LDLRAD3: variants seen among roughly 807,000 people sequenced by gnomAD.
LDLRAD3 encodes the protein low density lipoprotein receptor class A domain containing 3.
In LDLRAD3, 20 loss-of-function variants were observed where a neutral mutation model predicts 29.4. That is an observed-to-expected ratio of 0.68 (90% confidence interval 0.48 to 0.99). The LOEUF (loss-of-function observed/expected upper bound fraction) is 0.99. Among genes scored for constraint, LDLRAD3 ranks in the 50% least tolerant of loss-of-function variants. LDLRAD3 has a pLI of 0.00. For synonymous variants in LDLRAD3, 157 were observed against 192.7 expected (o/e 0.81, Z 1.53); for missense variants, 420 against 454.3 (o/e 0.92, Z 0.69).
At chr11:36,047,829 A>C (rs547697023) in intron 2 of LDLRAD3, among the ~76,000 whole-genome samples, 1 of 152,200 alleles carries the variant, frequency 6.6e-6, no homozygotes, top group Non-Finnish European at 1.5e-5. Context: ...TTCAAACAGC[A>C]GCTGGCACAG....
intron 1 of LDLRAD3, among the ~76,000 whole-genome samples, chr11:36,005,423 T>G (rs1040697878): frequency 2.6e-5 from 4 of 152,220 alleles, no homozygotes; most frequent in Non-Finnish European, 4.4e-5. Flanking sequence ...TGACCTTTAC[T>G]CCCGTTCCCG....
intron 1 of LDLRAD3, among the ~76,000 whole-genome samples, chr11:36,033,190 T>C (rs1590216999): frequency 6.6e-6 from 1 of 152,136 alleles, no homozygotes; most frequent in East Asian, 1.9e-4. Flanking sequence ...TGCTTTGAGT[T>C]TGATGATGTC....
chr11:35,950,692 G>A (rs574153188), intron 1 of LDLRAD3, among the ~76,000 whole-genome samples: 68 of 152,132 alleles, frequency 4.5e-4, no homozygotes, highest in Non-Finnish European at 7.6e-4. Context: ...AGTGAGAGTG[G>A]CTCCCATTCA....
At chr11:36,133,829 G>A (rs748413952) in intron 4 of LDLRAD3, among the ~76,000 whole-genome samples, 2 of 151,988 alleles carry the variant, frequency 1.3e-5, no homozygotes, top group East Asian at 1.9e-4. Flanking sequence ...GAGCCACCGC[G>A]CCCGGCCCAT....
At chr11:35,978,982 T>G (rs1851507861) in intron 1 of LDLRAD3, among the ~76,000 whole-genome samples, 1 of 152,238 alleles carries the variant, frequency 6.6e-6, no homozygotes, top group African/African-American at 2.4e-5. Context: ...TTGCAAAGGA[T>G]TCTTTAATAA....
At chr11:36,086,485 C>T (rs965785010) in intron 3 of LDLRAD3, among the ~76,000 whole-genome samples, 1 of 152,194 alleles carries the variant, frequency 6.6e-6, no homozygotes, top group African/African-American at 2.4e-5. Flanking sequence ...CGTTTTCACG[C>T]TGTTTTTGCA....
chr11:36,157,449 A>T (rs990857405), intron 4 of LDLRAD3, among the ~76,000 whole-genome samples: 18 of 152,162 alleles, frequency 1.2e-4, no homozygotes, highest in Non-Finnish European at 2.5e-4. Flanking sequence ...ACTTTTGTTG[A>T]TTTTTAAAAT....
At chr11:36,026,719 G>A (rs1292929246) in intron 1 of LDLRAD3, among the ~76,000 whole-genome samples, 2 of 152,200 alleles carry the variant, frequency 1.3e-5, no homozygotes, top group Non-Finnish European at 2.9e-5. Flanking sequence ...GCATTAGCAT[G>A]CTAAAAGACA....
intron 1 of LDLRAD3, among the ~76,000 whole-genome samples, chr11:36,010,836 G>A (rs12286756): frequency 0.042 from 6,409 of 151,660 alleles, 424 homozygotes; most frequent in African/African-American, 0.15. Context: ...ATGGAGTTTC[G>A]CTCTTGTTGC....
chr11:36,088,061 C>T (rs1853221819), intron 3 of LDLRAD3, among the ~76,000 whole-genome samples: 2 of 151,888 alleles, frequency 1.3e-5, no homozygotes, highest in Non-Finnish European at 2.9e-5. Flanking sequence ...TGCCATGTTG[C>T]CCAGACTGGT....
intron 1 of LDLRAD3, among the ~76,000 whole-genome samples, chr11:35,959,334 G>T (rs981592563): frequency 1.3e-5 from 2 of 152,140 alleles, no homozygotes; most frequent in African/African-American, 4.8e-5. Context: ...CCCAATCAGA[G>T]AATTAATCTC....
intron 4 of LDLRAD3, among the ~76,000 whole-genome samples, chr11:36,162,187 G>A (rs1276874841): frequency 2.0e-5 from 3 of 152,192 alleles, no homozygotes; most frequent in Admixed American, 2.0e-4. Context: ...GGTGGGGGCA[G>A]GGTGCTGGGG....
intron 4 of LDLRAD3, among the ~76,000 whole-genome samples, chr11:36,206,877 G>A (rs1370462820): frequency 2.6e-5 from 4 of 151,610 alleles, no homozygotes; most frequent in Non-Finnish European, 5.9e-5. Flanking sequence ...AGGCGCCCCC[G>A]CCACCAAGCC....
chr11:36,134,562 G>A (rs919563339), intron 4 of LDLRAD3, among the ~76,000 whole-genome samples: 2 of 152,162 alleles, frequency 1.3e-5, no homozygotes, highest in African/African-American at 4.8e-5. Context: ...ATGAGATATG[G>A]CATTTTTGTT....
At chr11:36,221,490 G>A (rs1389089392) in intron 4 of LDLRAD3, among the ~76,000 whole-genome samples, 1 of 152,138 alleles carries the variant, frequency 6.6e-6, no homozygotes, top group African/African-American at 2.4e-5. Context: ...CACCTACAGG[G>A]AGAGAAGGAC....
At chr11:36,185,407 G>A (rs144523809) in intron 4 of LDLRAD3, among the ~76,000 whole-genome samples, 44 of 152,292 alleles carry the variant, frequency 2.9e-4, no homozygotes, top group African/African-American at 9.9e-4. Context: ...AGAATTTAGG[G>A]TATAGGAACC....
intron 4 of LDLRAD3, among the ~76,000 whole-genome samples, chr11:36,201,921 A>C (rs1392050569): frequency 1.3e-5 from 2 of 152,220 alleles, no homozygotes; most frequent in African/African-American, 4.8e-5. Flanking sequence ...GTGTGACCTG[A>C]ACAGCAATAC....
At chr11:36,009,466 A>T (rs1851927468) in intron 1 of LDLRAD3, among the ~76,000 whole-genome samples, 1 of 152,166 alleles carries the variant, frequency 6.6e-6, no homozygotes, top group Admixed American at 6.5e-5. Flanking sequence ...TTTTTCACTT[A>T]CATACCTGAA....
intron 4 of LDLRAD3, among the ~76,000 whole-genome samples, chr11:36,148,585 A>G (rs891758784): frequency 3.9e-5 from 6 of 151,964 alleles, no homozygotes; most frequent in African/African-American, 1.5e-4. Context: ...GAGTTGGAGG[A>G]GGTTTGGGTG....
Sources: gnomAD v4.1 joint callset for allele counts (sites outside exome capture counted in the v4.1 genomes callset) on GRCh38, gnomAD v4.1.1 for gene constraint, MANE v1.5 for transcripts, NCBI Gene and HGNC (gene_info 2026-07-23, HGNC 2026-07-21) for gene names.